PCNX1: variants seen among roughly 807,000 people sequenced by gnomAD.
PCNX1 encodes the protein pecanex-like protein 1.
A neutral mutation model predicts 242.2 loss-of-function variants in PCNX1; 78 were observed. That is an observed-to-expected ratio of 0.32 (90% CI 0.27 to 0.39). The LOEUF is 0.39. Ranked by LOEUF, PCNX1 falls within the 10% of genes least tolerant of loss-of-function variation. The pLI, the probability that PCNX1 is intolerant of heterozygous loss-of-function variation, is 1.00. For missense variants in PCNX1, 2,581 were observed against 2,856.5 expected, an observed-to-expected ratio of 0.90 and a Z score of 2.20; for synonymous variants, 1,024 against 1,032.9, an observed-to-expected ratio of 0.99 and a Z score of 0.17.
intron 8 of PCNX1, among the ~76,000 whole-genome samples, chr14:71,008,968 GTA>G (rs1305854802): frequency 6.6e-6 from 1 of 152,048 alleles, no homozygotes; most frequent in Non-Finnish European, 1.5e-5. Flanking sequence ...AAAAAAATCT[GTA>G]TTCATTTGCA....
At chr14:71,071,476 G>A (rs902326662) in intron 26 of PCNX1, among the ~76,000 whole-genome samples, 1 of 152,070 alleles carries the variant, frequency 6.6e-6, no homozygotes, top group African/African-American at 2.4e-5. Flanking sequence ...TAGATCATGG[G>A]GGTAGATTTT....
intron 16 of PCNX1, chr14:71,031,741 A>T: frequency 8.6e-7 from 1 of 1,169,436 alleles, no homozygotes; most frequent in Non-Finnish European, 1.3e-6. Flanking sequence ...TTTCTCTCTC[A>T]CATCAACGAC....
intron 25 of PCNX1, among the ~76,000 whole-genome samples, 171 bp from the exon 26 acceptor site, chr14:71,057,338 C>T (rs1270146728): frequency 6.6e-6 from 1 of 152,134 alleles, no homozygotes; most frequent in African/African-American, 2.4e-5. Context: ...ATTCAGAAAC[C>T]TTTTCCATTT....
Position 71,114,250 on chromosome 14 carries a change from GT to G in PCNX1, c.*4319del, listed in dbSNP as rs1272870177. The stretch of plus-strand genomic sequence containing the variant: ...AAAAATAAGTATTAAAAAGCCAATC[GT>G]TTTCTCCATTTATCTATCTTTTTTG... On this transcript the variant is annotated 3_prime_UTR_variant, in exon 36 of 36. Coordinates refer to ENST00000304743, the MANE Select transcript of PCNX1 (RefSeq NM_014982.3). 2 of 152,050 alleles carry G rather than the reference GT, an allele frequency of 1.3e-5. No homozygotes were observed. The highest frequency in any genetic ancestry group is 2.9e-5 in the Non-Finnish European group (2 of 68,012). 9.4% of individuals were successfully genotyped at this position (152,050 alleles called of 1,614,324 possible). A position where few individuals can be genotyped will look rare whatever the true frequency, so the allele number is the denominator to read the frequency against.
At chr14:71,046,827 T>C (rs1447835836) in intron 20 of PCNX1, 137 bp from the exon 21 acceptor site, 27 of 571,794 alleles carry the variant, frequency 4.7e-5, no homozygotes, top group Non-Finnish European at 2.9e-6. Flanking sequence ...AAGTTGACAG[T>C]TGATTAAAGT....
chr14:71,096,035 A>T (rs1274204647), intron 30 of PCNX1, among the ~76,000 whole-genome samples: 2 of 152,120 alleles, frequency 1.3e-5, no homozygotes, highest in East Asian at 3.9e-4. Context: ...AAAACATTAG[A>T]TGGGCCGGGT....
chr14:71,008,289 A>G (rs1262806249), intron 8 of PCNX1, among the ~76,000 whole-genome samples: 4 of 152,128 alleles, frequency 2.6e-5, no homozygotes, highest in Non-Finnish European at 1.5e-5. Flanking sequence ...AAAAGCCCTT[A>G]TTGCACACTC....
At chr14:70,935,445 C>T (rs1006389602) in intron 1 of PCNX1, among the ~76,000 whole-genome samples, 2 of 152,166 alleles carry the variant, frequency 1.3e-5, no homozygotes, top group East Asian at 3.8e-4. Context: ...GTTTTTGGCA[C>T]CCAGTTGGCC....
intron 30 of PCNX1, among the ~76,000 whole-genome samples, chr14:71,092,116 T>C (rs964925277): frequency 6.6e-6 from 1 of 152,234 alleles, no homozygotes; most frequent in South Asian, 2.1e-4. Flanking sequence ...TTGCTTGATA[T>C]GTGCCGTAGA....
At chr14:70,948,116 C>G (rs1373262693) in intron 2 of PCNX1, among the ~76,000 whole-genome samples, 1 of 152,208 alleles carries the variant, frequency 6.6e-6, no homozygotes, top group Non-Finnish European at 1.5e-5. Flanking sequence ...CAGTGAACCT[C>G]ATCAGTAATT....
intron 1 of PCNX1, among the ~76,000 whole-genome samples, chr14:70,927,493 T>C (rs2056634473): frequency 1.3e-5 from 2 of 152,200 alleles, no homozygotes; most frequent in South Asian, 2.1e-4. Flanking sequence ...GGAAATGATA[T>C]TTGGGTTCTG....
At chr14:70,969,662 A>T (rs941647857) in intron 5 of PCNX1, among the ~76,000 whole-genome samples, 1 of 152,026 alleles carries the variant, frequency 6.6e-6, no homozygotes, top group African/African-American at 2.4e-5. Context: ...ATCTAACCCT[A>T]TATCCCATTC....
intron 26 of PCNX1, among the ~76,000 whole-genome samples, chr14:71,069,396 C>T (rs1481182396): frequency 2.6e-5 from 4 of 152,126 alleles, no homozygotes; most frequent in Non-Finnish European, 5.9e-5. Context: ...AAAACATGAT[C>T]CTCTCAAAAG....
chr14:71,058,634 C>T (rs1377207928), intron 26 of PCNX1, among the ~76,000 whole-genome samples: 1 of 152,162 alleles, frequency 6.6e-6, no homozygotes, highest in African/African-American at 2.4e-5. Flanking sequence ...AACCCCATAG[C>T]TTTATTTTCA....
At chr14:70,970,004 ATATGTATGTATG>A (rs147579734) in intron 5 of PCNX1, 2 of 149,436 alleles carry the variant, frequency 1.3e-5, no homozygotes, top group African/African-American at 2.5e-5. Context: ...ATACAGGTAC[ATATGTATGTATG>A]TATGTATGTA....
chr14:70,991,203 CTTT>C (rs1393062718), intron 7 of PCNX1, among the ~76,000 whole-genome samples: 7 of 124,316 alleles, frequency 5.6e-5, no homozygotes, highest in African/African-American at 6.1e-5. Context: ...TGTGTACTAC[CTTT>C]TTTTTTTTTT....
At chr14:71,091,821 T>A (rs1158514495) in intron 30 of PCNX1, among the ~76,000 whole-genome samples, 1 of 152,212 alleles carries the variant, frequency 6.6e-6, no homozygotes, top group East Asian at 1.9e-4. Context: ...ACTACAGTAA[T>A]TTCGTAGTCA....
intron 23 of PCNX1, 137 bp from the exon 24 acceptor site, chr14:71,051,746 A>G: frequency 1.3e-6 from 1 of 769,184 alleles, no homozygotes; most frequent in East Asian, 2.6e-5. Flanking sequence ...CCAGTGATAT[A>G]CCTTCTTTTG....
rs1280964305 is a variant in PCNX1 at position 71,026,249 on chromosome 14, A to C, written c.3316A>C (p.Asn1106His). ...KFKLYGITFT[N>H]PLVFISARDL... The stretch of plus-strand genomic sequence containing the variant: ...CAAATTATATGGAATAACTTTCACC[A>C]ATCCACTGGTGTTTATATCAGCCAG... The change falls in exon 14 of 36, where the codon AAT (asparagine) becomes CAT (histidine). Residue 1106 changes from asparagine to histidine, a missense_variant. Transcript: ENST00000304743. 6.2e-7 allele frequency: 1 copy of C among 1,610,040 alleles called. No individual in the cohort carries two copies. Among genetic ancestry groups the C allele is most frequent in the Non-Finnish European group, 8.5e-7 (1 of 1,177,806 alleles).
Sources: allele counts gnomAD v4.1 joint callset (sites outside exome capture counted in the v4.1 genomes callset), GRCh38; gene constraint gnomAD v4.1.1; transcripts MANE v1.5; gene names NCBI Gene and HGNC (gene_info 2026-07-23, HGNC 2026-07-21).